The following CCR3 variants were observed in gnomAD, a reference collection of about 807,000 sequenced individuals.
CCR3 encodes C-C chemokine receptor type 3.
For synonymous variants in CCR3, 203 were observed against 179.2 expected (o/e 1.13, Z -1.06); for missense variants, 419 against 437.5 (o/e 0.96, Z 0.38).
intron 2 of CCR3, among the ~76,000 whole-genome samples, chr3:46,236,852 G>T (rs1259030530): frequency 6.6e-6 from 1 of 152,216 alleles, no homozygotes; most frequent in Non-Finnish European, 1.5e-5. Flanking sequence ...AGGAGGGAAA[G>T]GGGAGTGGGT....
At chr3:46,254,625 T>G (rs1264251537) in intron 1 of CCR3, among the ~76,000 whole-genome samples, 1 of 146,042 alleles carries the variant, frequency 6.8e-6, no homozygotes, top group Non-Finnish European at 1.6e-5. Flanking sequence ...TAGTCTTTTA[T>G]CCCTCACTCC....
upstream of CCR3, among the ~76,000 whole-genome samples, chr3:46,238,529 G>A (rs1486386231): frequency 6.6e-6 from 1 of 152,150 alleles, no homozygotes; most frequent in Non-Finnish European, 1.5e-5. Flanking sequence ...CCACCACAAG[G>A]GGATCAGGGT....
intron 2 of CCR3, among the ~76,000 whole-genome samples, chr3:46,215,236 A>G (rs1217262269): frequency 6.6e-6 from 1 of 152,162 alleles, no homozygotes; most frequent in Non-Finnish European, 1.5e-5. Context: ...GCTATTAAGC[A>G]TGTGTTCTCT....
At chr3:46,246,935 T>C (rs1012596614) in intron 1 of CCR3, among the ~76,000 whole-genome samples, 6 of 151,858 alleles carry the variant, frequency 4.0e-5, no homozygotes, top group Admixed American at 6.6e-5. Context: ...TGTGGGGATG[T>C]TAGAAGAAAC....
chr3:46,262,649 ATTAT>A (rs765084283), intron 1 of CCR3, among the ~76,000 whole-genome samples: 70 of 151,768 alleles, frequency 4.6e-4, no homozygotes, highest in African/African-American at 1.4e-3. Flanking sequence ...TTAATTTTTA[ATTAT>A]TTATTTATTT....
At chr3:46,236,939 C>A (rs980583644) in intron 2 of CCR3, among the ~76,000 whole-genome samples, 4 of 152,184 alleles carry the variant, frequency 2.6e-5, no homozygotes, top group Non-Finnish European at 5.9e-5. Context: ...GAGGCAGCTG[C>A]CTCTCAGTCA....
chr3:46,253,076 A>G (rs1700348576), intron 1 of CCR3, among the ~76,000 whole-genome samples: 1 of 152,036 alleles, frequency 6.6e-6, no homozygotes, highest in Non-Finnish European at 1.5e-5. Context: ...CAGGGTTATA[A>G]GCTGGGGATT....
At chr3:46,233,777 C>A (rs1699993922) in intron 2 of CCR3, among the ~76,000 whole-genome samples, 1 of 152,198 alleles carries the variant, frequency 6.6e-6, no homozygotes, top group Non-Finnish European at 1.5e-5. Context: ...GGTTTGATGC[C>A]ATCCTCACCT....
intron 1 of CCR3, chr3:46,264,563 A>C: frequency 1.5e-6 from 1 of 678,860 alleles, no homozygotes; most frequent in South Asian, 1.7e-5. Context: ...CAAATTTTAT[A>C]TTTACTTGTT....
chr3:46,249,705 C>T (rs1390653270), intron 1 of CCR3, among the ~76,000 whole-genome samples: 1 of 152,094 alleles, frequency 6.6e-6, no homozygotes, highest in African/African-American at 2.4e-5. Context: ...GAATCCTGGG[C>T]TGCAGGCATT....
At chr3:46,259,749 A>T (rs187877433) in intron 1 of CCR3, among the ~76,000 whole-genome samples, 14 of 152,338 alleles carry the variant, frequency 9.2e-5, no homozygotes, top group African/African-American at 3.4e-4. Context: ...GAATTGATTT[A>T]GGAAGGTTGT....
chr3:46,242,431 A>G (rs527338942), upstream of CCR3: 3 of 152,344 alleles, frequency 2.0e-5, no homozygotes, highest in African/African-American at 7.2e-5. Context: ...ATCACTGGAC[A>G]TATCAAGGAC....
intron 1 of CCR3, among the ~76,000 whole-genome samples, chr3:46,246,389 T>C (rs1458170843): frequency 6.6e-6 from 1 of 151,914 alleles, no homozygotes; most frequent in African/African-American, 2.4e-5. Context: ...CGAAGGGAGA[T>C]AAGGGTGGGG....
intron 1 of CCR3, among the ~76,000 whole-genome samples, chr3:46,243,075 C>T (rs1168221910): frequency 6.7e-6 from 1 of 149,510 alleles, no homozygotes; most frequent in Non-Finnish European, 1.5e-5. Context: ...TTCCAGGACC[C>T]TTGCAGATAC....
chr3:46,244,275 A>T (rs1379459251), intron 1 of CCR3, among the ~76,000 whole-genome samples: 2 of 152,246 alleles, frequency 1.3e-5, no homozygotes, highest in African/African-American at 4.8e-5. Context: ...GTCATTACAA[A>T]TTACATTTTT....
At chr3:46,226,814 C>A (rs1699902697) in intron 2 of CCR3, among the ~76,000 whole-genome samples, 1 of 151,612 alleles carries the variant, frequency 6.6e-6, no homozygotes, top group Non-Finnish European at 1.5e-5. Flanking sequence ...GAGGAAGTGT[C>A]TTTCTATTTT....
chr3:46,262,533 G>T (rs1412303005), intron 1 of CCR3, among the ~76,000 whole-genome samples: 1 of 152,100 alleles, frequency 6.6e-6, no homozygotes. Context: ...AATGTAAAAG[G>T]CCATTTTGAA....
chr3:46,256,477 AATTTAAAAG>A (rs1700426923), intron 1 of CCR3, among the ~76,000 whole-genome samples: 1 of 152,168 alleles, frequency 6.6e-6, no homozygotes, highest in South Asian at 2.1e-4. Context: ...TGAAAACAAT[AATTTAAAAG>A]ACATTTATTT....
At chr3:46,215,257 T>C (rs1699760705) in intron 2 of CCR3, among the ~76,000 whole-genome samples, 2 of 152,164 alleles carry the variant, frequency 1.3e-5, no homozygotes, top group African/African-American at 4.8e-5. Flanking sequence ...CTGTCAAGCA[T>C]GGAGTAGTTA....
Sources: allele counts gnomAD v4.1 joint callset (sites outside exome capture counted in the v4.1 genomes callset), GRCh38; gene constraint gnomAD v4.1.1; transcripts MANE v1.5; gene names NCBI Gene and HGNC (gene_info 2026-07-23, HGNC 2026-07-21).